STK36: variants seen among roughly 807,000 people sequenced by gnomAD.
STK36 encodes serine/threonine kinase 36.
In STK36, 116 loss-of-function variants were observed where a neutral mutation model predicts 142.2. The observed-to-expected ratio is 0.82, with a 90% confidence interval of 0.70 to 0.95. The LOEUF (loss-of-function observed/expected upper bound fraction) is 0.95. Among genes scored for constraint, STK36 ranks in the 40% least tolerant of loss-of-function variants. STK36 has a pLI of 0.00. For missense variants in STK36, 1,422 were observed against 1,617.2 expected, an observed-to-expected ratio of 0.88 and a Z score of 2.07; for synonymous variants, 619 against 641.7, an observed-to-expected ratio of 0.96 and a Z score of 0.53.
intron 6 of STK36, among the ~76,000 whole-genome samples, chr2:218,676,892 C>T (rs1487526946): frequency 1.3e-5 from 2 of 152,100 alleles, no homozygotes; most frequent in Non-Finnish European, 2.9e-5. Context: ...CCTCGTGACT[C>T]GCCTGCCTCA....
At position 218,676,179 on chromosome 2, in the gene STK36, A is replaced by G; in HGVS notation, c.585A>G (p.Val195=). Residue 195 remains valine (V), a synonymous_variant, in exon 6 of 27, where the codon GTA becomes GTG. Coordinates refer to ENST00000295709, the MANE Select transcript of STK36 (RefSeq NM_015690.5). ...GCTGCATACTATATGAACTGGCAGT[A>G]GGCACCCCTCCCTTCTATGCTACAA... ...SVGCILYELA[V]GTPPFYATSI... 6.2e-7 allele frequency: 1 copy of G among 1,614,164 alleles called. No homozygotes were observed. Among genetic ancestry groups the G allele is most frequent in the Non-Finnish European group, 8.5e-7 (1 of 1,180,036 alleles).
intron 17 of STK36, 92 bp downstream of exon 17, chr2:218,693,436 AAGAG>A (rs1553603546): frequency 1.4e-5 from 18 of 1,260,570 alleles, no homozygotes; most frequent in African/African-American, 4.5e-5. Context: ...GGAGGACTAA[AAGAG>A]AGAGAGACTG....
chr2:218,682,856 G>A (rs1940588811), intron 10 of STK36, among the ~76,000 whole-genome samples: 1 of 152,128 alleles, frequency 6.6e-6, no homozygotes, highest in South Asian at 2.1e-4. Flanking sequence ...GCCTCACAAA[G>A]TGCTGGGATT....
In STK36 at chr2:218,679,886, C is replaced by G; in HGVS notation, c.949-7C>G. 2 of 1,612,278 alleles carry G rather than the reference C, an allele frequency of 1.2e-6. No individual in the cohort carries two copies. Among genetic ancestry groups the G allele is most frequent in the Non-Finnish European group, 1.7e-6 (2 of 1,178,846 alleles). On this transcript the variant is annotated splice_polypyrimidine_tract_variant and splice_region_variant and intron_variant, in intron 8 of 26. Coordinates refer to ENST00000295709, the MANE Select transcript of STK36 (RefSeq NM_015690.5). ...TCTGATTCAGTGTTGCCCCCTACCT[C>G]CCACAGAAACATCAGAACACAGGAC...
intron 10 of STK36, among the ~76,000 whole-genome samples, chr2:218,683,257 T>C (rs1041955787): frequency 1.3e-5 from 2 of 151,538 alleles, no homozygotes; most frequent in African/African-American, 4.9e-5. Context: ...TACAGGTGTA[T>C]GGCACCATGC....
chr2:218,699,582 A>G (rs1416740142), intron 26 of STK36, among the ~76,000 whole-genome samples: 2 of 152,192 alleles, frequency 1.3e-5, no homozygotes, highest in African/African-American at 2.4e-5. Flanking sequence ...CTCAAGGACC[A>G]CAGTTGATCT....
At position 218,698,654 on chromosome 2, in the gene STK36, TCACA is replaced by T. The variant is rs755157610; in HGVS notation, c.3112_3115del (p.Thr1038AlafsTer14). The T allele has an allele frequency of 3.7e-6, 6 of 1,614,078 alleles. No homozygotes were observed. ...CAAGTGGAGCTGCCCATCAGCCTTC[TCACA>T]CGCCTGGCCCTCATGGATCCCACCT... is the stretch of plus-strand genomic sequence containing the variant. On this transcript the variant is annotated frameshift_variant, in exon 26 of 27. Coordinates refer to ENST00000295709, the MANE Select transcript of STK36 (RefSeq NM_015690.5). LOFTEE classifies it high-confidence loss of function.
chr2:218,679,991 G>A lies in STK36; in HGVS notation c.1047G>A (p.Gln349=). ...TGCCCAGACTCGGGGCCACTCCTCA[G>A]GAATCAAGCCTCCTGGCCGGGATCT... ...APLPRLGATP[Q]ESSLLAGILA... is the part of the protein sequence containing the mutation. Residue 349 remains glutamine (Q), a synonymous_variant, in exon 9 of 27, where the codon CAG becomes CAA. Transcript: ENST00000295709. 1 of 1,614,202 alleles carries A rather than the reference G, an allele frequency of 6.2e-7. No homozygotes were observed. The highest frequency in any genetic ancestry group is 8.5e-7 in the Non-Finnish European group (1 of 1,180,030).
chr2:218,701,088 G>C (rs1373880210), intron 26 of STK36, among the ~76,000 whole-genome samples: 1 of 151,578 alleles, frequency 6.6e-6, no homozygotes, highest in Non-Finnish European at 1.5e-5. Flanking sequence ...CAAAGTGGTA[G>C]CATTGGGAAG....
chr2:218,688,677 C>G lies in STK36; in HGVS notation c.1381-20C>G, dbSNP rs1299799967. On this transcript the variant is annotated intron_variant, in intron 11 of 26. Transcript: ENST00000295709. ...CCTCTGAAAATATCAATCGTTGCCT[C>G]TTTCCCTCATGTCACCCAGATCCTG... 24 of 1,606,690 alleles carry G rather than the reference C, an allele frequency of 1.5e-5. No individual in the cohort carries two copies. The highest frequency in any genetic ancestry group is 2.0e-5 in the Non-Finnish European group (24 of 1,177,002).
rs2106341248 is a variant in STK36 at position 218,673,620 on chromosome 2, G to C, written c.85-5G>C. On this transcript the variant is annotated splice_polypyrimidine_tract_variant and splice_region_variant and intron_variant, in intron 2 of 26. Coordinates refer to ENST00000295709, the MANE Select transcript of STK36 (RefSeq NM_015690.5). Reference sequence around the variant, plus strand: ...GGCGTTAACTTTTCACCTTACCACTGACAGGTCGTGGCCCTGAAGTTCATC... The same window carrying C: ...GGCGTTAACTTTTCACCTTACCACTCACAGGTCGTGGCCCTGAAGTTCATC... The C allele has an allele frequency of 6.2e-7, 1 of 1,611,410 alleles. No individual in the cohort carries two copies. Among genetic ancestry groups the C allele is most frequent in the Non-Finnish European group, 8.5e-7 (1 of 1,179,070 alleles).
intron 10 of STK36, among the ~76,000 whole-genome samples, chr2:218,681,713 G>A (rs892671836): frequency 1.3e-5 from 2 of 152,188 alleles, no homozygotes; most frequent in African/African-American, 4.8e-5. Flanking sequence ...GGGGAAGAAT[G>A]CAGTGTCCTC....
At chr2:218,683,462 A>G (rs1394778085) in intron 10 of STK36, among the ~76,000 whole-genome samples, 2 of 152,056 alleles carry the variant, frequency 1.3e-5, no homozygotes, top group Non-Finnish European at 2.9e-5. Flanking sequence ...TTTAGTAGAG[A>G]CAGGGTTTCA....
At chr2:218,684,344 A>ACC (rs1410925201) in intron 10 of STK36, among the ~76,000 whole-genome samples, 1 of 142,402 alleles carries the variant, frequency 7.0e-6, no homozygotes, top group African/African-American at 2.6e-5. Context: ...TGAACTCCCG[A>ACC]CCTCAGGTGA....
chr2:218,692,173 G>A lies in STK36; in HGVS notation c.1795G>A (p.Gly599Arg), dbSNP rs973504224. ...CFTVLCEAMD[G>R]NSRAISKAFY... ...TACTGTCCTGTGCGAAGCCATGGAT[G>A]GGAACAGCCGGGCCATCTCCAAAGC... Residue 599 changes from glycine (G) to arginine (R), a missense_variant, in exon 15 of 27, where the codon GGG (glycine) becomes AGG (arginine). This residue lies in a region of STK36 where 962 missense variants were observed against 1,167.5 expected (regional missense o/e 0.82). Coordinates refer to ENST00000295709, the MANE Select transcript of STK36 (RefSeq NM_015690.5). 2.5e-6 allele frequency: 4 copies of A among 1,614,044 alleles called. No homozygotes were observed. Among genetic ancestry groups the A allele is most frequent in the Non-Finnish European group, 3.4e-6 (4 of 1,180,044 alleles).
rs1258606323 is a variant in STK36, at chr2:218,675,390, T to C, written c.351T>C (p.His117=). The change falls in exon 5 of 27, where the codon CAT becomes CAC. Residue 117 remains histidine (H), a synonymous_variant. Transcript: ENST00000295709. The part of the protein sequence containing the change: ...AQLVSALYYL[H]SHRILHRDMK... ...TGGTGTCAGCCCTGTACTATCTGCATTCCCACCGCATCCTACACCGAGATA... is the reference window on the plus strand; with the variant it reads ...TGGTGTCAGCCCTGTACTATCTGCACTCCCACCGCATCCTACACCGAGATA... The C allele has an allele frequency of 6.2e-7, 1 of 1,613,256 alleles. No individual in the cohort carries two copies. Among genetic ancestry groups the C allele is most frequent in the Non-Finnish European group, 8.5e-7 (1 of 1,179,708 alleles).
At chr2:218,684,507 G>A (rs1333585130) in intron 10 of STK36, among the ~76,000 whole-genome samples, 1 of 122,410 alleles carries the variant, frequency 8.2e-6, no homozygotes, top group Non-Finnish European at 1.6e-5. Context: ...TGCAAACTCT[G>A]TCTCCCGGGT....
intron 12 of STK36, 129 bp downstream of exon 12, chr2:218,689,005 G>A (rs765080308): frequency 2.0e-6 from 2 of 990,752 alleles, no homozygotes; most frequent in Non-Finnish European, 2.8e-6. Context: ...CTAGTTAGTA[G>A]ACTATTAATT....
rs983467695 is a variant in STK36 at position 218,694,116 on chromosome 2, A to G, written c.2336+133A>G. The G allele has an allele frequency of 4.9e-5, 58 of 1,189,992 alleles. No individual in the cohort carries two copies. The highest frequency in any genetic ancestry group is 2.4e-4 in the Middle Eastern group (1 of 4,160). The allele number at this position is 1,189,992 out of a possible 1,614,324, so 73.7% of individuals were successfully genotyped here. ...GGATAGAGAGCGTGAAGCTTTCTCT[A>G]CAAAGAACAGACCTAGACTCCCATC... is the stretch of plus-strand genomic sequence containing the variant. On this transcript the variant is annotated intron_variant, in intron 19 of 26. Coordinates refer to ENST00000295709, the MANE Select transcript of STK36 (RefSeq NM_015690.5). The surrounding 1 kb of genome is among the most constrained non-coding windows in gnomAD (Gnocchi z 4.4).
Sources: gnomAD v4.1 joint callset for allele counts (sites outside exome capture counted in the v4.1 genomes callset) on GRCh38, gnomAD v4.1.1 for gene constraint, gnomAD v4.1.1 regional missense constraint, Gnocchi (gnomAD v3.1) non-coding constraint, MANE v1.5 for transcripts, NCBI Gene and HGNC (gene_info 2026-07-23, HGNC 2026-07-21) for gene names.